CACHD1: variants seen among roughly 807,000 people sequenced by gnomAD.
The protein encoded by CACHD1 is cache domain containing 1.
In CACHD1, 71 loss-of-function variants were observed where a neutral mutation model predicts 138.7. The ratio of observed to expected loss-of-function variants is 0.51; its 90% CI spans 0.42 to 0.62. The LOEUF (loss-of-function observed/expected upper bound fraction) is 0.62, where lower values mean the gene tolerates loss of function less well. CACHD1 is among the 20% of genes least tolerant of loss of function. The probability of loss-of-function intolerance (pLI) is 0.00; values close to 1 mark genes in which losing one functional copy is unlikely to be tolerated. For missense variants in CACHD1, 1,389 were observed against 1,625.3 expected, an observed-to-expected ratio of 0.85 and a Z score of 2.50; for synonymous variants, 578 against 591.5, an observed-to-expected ratio of 0.98 and a Z score of 0.33.
Position 64,675,562 on chromosome 1 carries a change from G to A in CACHD1, c.2888+1G>A. On this transcript the variant is annotated splice_donor_variant, in intron 20 of 26. Coordinates refer to ENST00000651257, the MANE Select transcript of CACHD1 (RefSeq NM_020925.4). LOFTEE classifies it high-confidence loss of function. ...ACCGACTCTGTCTCAACTGTCACCGGTAAAAATGCAATGGGTCATATTCTG... is the reference window on the plus strand; with the variant it reads ...ACCGACTCTGTCTCAACTGTCACCGATAAAAATGCAATGGGTCATATTCTG... The A allele has an allele frequency of 6.2e-7, 1 of 1,604,866 alleles. No homozygotes were observed. The highest frequency in any genetic ancestry group is 8.5e-7 in the Non-Finnish European group (1 of 1,172,234).
At chr1:64,636,023 A>G (rs1326788636) in intron 7 of CACHD1, among the ~76,000 whole-genome samples, 1 of 151,756 alleles carries the variant, frequency 6.6e-6, no homozygotes, top group Non-Finnish European at 1.5e-5. Context: ...AGGCAGGAGA[A>G]TTGCTTGAAC....
At chr1:64,478,418 C>G (rs2100267325) in intron 1 of CACHD1, among the ~76,000 whole-genome samples, 1 of 152,316 alleles carries the variant, frequency 6.6e-6, no homozygotes, top group East Asian at 1.9e-4. Flanking sequence ...TTCTCTCCCC[C>G]TTCCAGAAGA....
In CACHD1 at chr1:64,681,541, G is replaced by GTTTTTTTTTTTTTTTTTTTT. The variant is rs57993424; in HGVS notation, c.3484+210_3484+229dup. 3.1e-4 allele frequency among the ~76,000 whole-genome samples: 21 copies of GTTTTTTTTTTTTTTTTTTTT among 68,146 alleles called. 1 individual carries two copies. The highest frequency in any genetic ancestry group is 6.3e-4 in the South Asian group (1 of 1,586). 44.7% of individuals were successfully genotyped at this position (68,146 alleles called of 152,430 possible). A position where few individuals can be genotyped will look rare whatever the true frequency, so the allele number is the denominator to read the frequency against. ...AGAGAATCTCAAAAGATTTTATTGT[G>GTTTTTTTTTTTTTTTTTTTT]TTTTTTTTTTTTTTTTTTTTTTTGC... On this transcript the variant is annotated intron_variant, in intron 25 of 26. Transcript: ENST00000651257.
intron 8 of CACHD1, 132 bp downstream of exon 8, chr1:64,642,101 T>A: frequency 1.5e-6 from 1 of 680,556 alleles, no homozygotes. Context: ...AGGCGGCTCT[T>A]TCTCTACCTG....
intron 1 of CACHD1, among the ~76,000 whole-genome samples, chr1:64,530,922 TGTTTTTTTTTG>T (rs1557478366): frequency 3.5e-5 from 2 of 56,480 alleles, no homozygotes; most frequent in Non-Finnish European, 9.6e-5. Flanking sequence ...CATTCCATCG[TGTTTTTTTTTG>T]TTTTTTTTTT....
In CACHD1 at chr1:64,691,471, C is replaced by G. The variant is rs1453794378; in HGVS notation, c.3735C>G (p.Phe1245Leu). 4.3e-6 allele frequency: 7 copies of G among 1,614,006 alleles called. No homozygotes were observed. Among genetic ancestry groups the G allele is most frequent in the Non-Finnish European group, 5.9e-6 (7 of 1,180,026 alleles). The change falls in exon 27 of 27, where the codon TTC becomes TTG. Residue 1245 changes from phenylalanine to leucine, a missense_variant. By Grantham distance (22) the Phe-to-Leu change is conservative. This residue lies in a region of CACHD1 where 78 missense variants were observed against 76.9 expected (regional missense o/e 1.01). Coordinates refer to ENST00000651257, the MANE Select transcript of CACHD1 (RefSeq NM_020925.4). ...PQTAALLSHK[F>L]HHYRSHHPTL... ...CTGCTGCCCTACTAAGTCACAAGTT[C>G]CACCACTACCGGTCACACCACCCTA...
At chr1:64,681,715 A>C (rs1650197906) in intron 25 of CACHD1, among the ~76,000 whole-genome samples, 1 of 152,020 alleles carries the variant, frequency 6.6e-6, no homozygotes, top group African/African-American at 2.4e-5. Context: ...GGAGGAAAAA[A>C]GAGCATTTTC....
At chr1:64,559,567 GATAAA>G (rs1646823317) in intron 2 of CACHD1, among the ~76,000 whole-genome samples, 1 of 152,082 alleles carries the variant, frequency 6.6e-6, no homozygotes, top group African/African-American at 2.4e-5. Context: ...ATACCTGGGT[GATAAA>G]ATAATATGTA....
intron 6 of CACHD1, 75 bp downstream of exon 6, chr1:64,632,818 G>A: frequency 6.6e-7 from 1 of 1,508,978 alleles, no homozygotes. Context: ...TTATTGTTTT[G>A]TGATATACAG....
chr1:64,573,943 T>C (rs995454045), intron 2 of CACHD1, among the ~76,000 whole-genome samples: 1 of 152,166 alleles, frequency 6.6e-6, no homozygotes, highest in Non-Finnish European at 1.5e-5. Flanking sequence ...TATTGGTTTG[T>C]TGGGATAAAC....
At chr1:64,607,883 G>A (rs1647389415) in intron 4 of CACHD1, among the ~76,000 whole-genome samples, 1 of 152,110 alleles carries the variant, frequency 6.6e-6, no homozygotes, top group South Asian at 2.1e-4. Flanking sequence ...CCTGTTAGTG[G>A]TACTAAGATT....
chr1:64,602,168 A>G (rs1488542483), intron 3 of CACHD1, among the ~76,000 whole-genome samples: 1 of 152,232 alleles, frequency 6.6e-6, no homozygotes, highest in South Asian at 2.1e-4. Flanking sequence ...CCTTATTTGC[A>G]TGACAGCCTA....
intron 8 of CACHD1, among the ~76,000 whole-genome samples, chr1:64,643,756 A>T (rs577962347): frequency 4.1e-4 from 62 of 152,258 alleles, no homozygotes; most frequent in Admixed American, 1.2e-3. Context: ...GAGAAAGGCT[A>T]GAACCCGGGA....
intron 3 of CACHD1, among the ~76,000 whole-genome samples, chr1:64,596,768 A>C (rs763644968): frequency 2.6e-4 from 40 of 152,178 alleles, no homozygotes; most frequent in Non-Finnish European, 4.3e-4. Flanking sequence ...ACAAGCAAAC[A>C]AGTAAAGAAT....
At chr1:64,485,495 A>G (rs893940163) in intron 1 of CACHD1, among the ~76,000 whole-genome samples, 1 of 152,154 alleles carries the variant, frequency 6.6e-6, no homozygotes, top group Admixed American at 6.5e-5. Context: ...ATTCCTATTT[A>G]TTGCTGAGTA....
intron 1 of CACHD1, among the ~76,000 whole-genome samples, chr1:64,509,219 C>A (rs1245557038): frequency 6.6e-6 from 1 of 152,160 alleles, no homozygotes. Context: ...TAGCAAAAGG[C>A]TCTATAACTC....
intron 1 of CACHD1, among the ~76,000 whole-genome samples, chr1:64,544,344 T>C (rs1291203971): frequency 6.6e-6 from 1 of 152,216 alleles, no homozygotes; most frequent in Non-Finnish European, 1.5e-5. Context: ...TAGTTAAAAT[T>C]TGGCAGAGTT....
At chr1:64,542,661 G>A (rs1250460119) in intron 1 of CACHD1, among the ~76,000 whole-genome samples, 2 of 152,072 alleles carry the variant, frequency 1.3e-5, no homozygotes, top group Non-Finnish European at 2.9e-5. Flanking sequence ...TTACAGGCAA[G>A]CCCTGTTACT....
chr1:64,536,347 T>C (rs1646632491), intron 1 of CACHD1, among the ~76,000 whole-genome samples: 1 of 152,198 alleles, frequency 6.6e-6, no homozygotes, highest in African/African-American at 2.4e-5. Flanking sequence ...CTCTTTCCAC[T>C]ACACAATGCT....
Sources: allele counts gnomAD v4.1 joint callset (sites outside exome capture counted in the v4.1 genomes callset), GRCh38; gene constraint gnomAD v4.1.1; regional missense constraint gnomAD v4.1.1; transcripts MANE v1.5; gene names NCBI Gene and HGNC (gene_info 2026-07-23, HGNC 2026-07-21).